Variants in ARVCF observed in about 807,000 individuals in gnomAD.
ARVCF encodes ARVCF delta catenin family member, also known as splicing regulator ARVCF.
Under a neutral mutation model 90.9 loss-of-function variants are expected in ARVCF, and 66 were observed. The ratio of observed to expected loss-of-function variants is 0.73; its 90% CI spans 0.60 to 0.89. ARVCF has a LOEUF of 0.89. Ranked by LOEUF, ARVCF falls within the 40% of genes least tolerant of loss-of-function variation. The probability of loss-of-function intolerance (pLI) is 0.00; values close to 1 mark genes in which losing one functional copy is unlikely to be tolerated. For missense variants in ARVCF, 1,469 were observed against 1,382.3 expected, an observed-to-expected ratio of 1.06 and a Z score of -1.00; for synonymous variants, 653 against 603.4, an observed-to-expected ratio of 1.08 and a Z score of -1.21.
At chr22:19,968,990 A>C (rs937680650), downstream of ARVCF, 1 of 393,744 alleles carries the variant, frequency 2.5e-6, no homozygotes, top group Non-Finnish European at 4.6e-6. Context: ...TGTTTTAAAA[A>C]TATAAAATAG....
intron 1 of ARVCF, among the ~76,000 whole-genome samples, chr22:20,011,856 T>G (rs929399212): frequency 1.3e-5 from 2 of 151,848 alleles, no homozygotes; most frequent in Non-Finnish European, 2.9e-5. Flanking sequence ...GAGAACCATG[T>G]GACTTTTTTT....
chr22:20,008,259 C>T (rs1188620318), intron 2 of ARVCF, among the ~76,000 whole-genome samples: 7 of 152,178 alleles, frequency 4.6e-5, no homozygotes, highest in Non-Finnish European at 8.8e-5. Context: ...AGGCACACGG[C>T]GGCTGATGGA....
intron 6 of ARVCF, 135 bp downstream of exon 6, chr22:19,979,608 G>A: frequency 7.5e-7 from 1 of 1,325,220 alleles, no homozygotes. Context: ...CCTGGGGCAA[G>A]CGTCTCAGCA....
Position 19,972,428 on chromosome 22 carries a change from G to C in ARVCF, c.2642-17C>G. On this transcript the variant is annotated splice_polypyrimidine_tract_variant and intron_variant, in intron 16 of 19. Transcript: ENST00000263207. The stretch of plus-strand genomic sequence containing the variant: ...TCTCGCCCTCTGCAAGGCAGGAGGA[G>C]GAGACGGGCTGCATGTGGCAGCCAG... 3.1e-6 allele frequency: 5 copies of C among 1,613,300 alleles called. No homozygotes were observed. Among genetic ancestry groups the C allele is most frequent in the Non-Finnish European group, 4.2e-6 (5 of 1,179,936 alleles).
intron 6 of ARVCF, 77 bp downstream of exon 6, chr22:19,979,666 G>C (rs1943369147): frequency 6.8e-7 from 1 of 1,481,130 alleles, no homozygotes; most frequent in Admixed American, 2.2e-5. Context: ...CGCAGGCCGA[G>C]TGGCCTCGTT....
At chr22:20,013,642 C>T (rs1048417368) in intron 1 of ARVCF, among the ~76,000 whole-genome samples, 1 of 152,302 alleles carries the variant, frequency 6.6e-6, no homozygotes, top group African/African-American at 2.4e-5. Context: ...GAGGCGGCAG[C>T]CCCTCAATCA....
In ARVCF at chr22:19,982,024, G is replaced by C; in HGVS notation, c.278C>G (p.Thr93Ser). ...MPEAPDVLEE[T>S]VTVEEDPGTP... Reference sequence around the variant, plus strand: ...GCCGGGGTCCTCCTCCACCGTCACGGTCTCCTCCAGCACATCAGGTGCCTC... The same window carrying C: ...GCCGGGGTCCTCCTCCACCGTCACGCTCTCCTCCAGCACATCAGGTGCCTC... The change falls in exon 4 of 20, where the codon ACC becomes AGC. Residue 93 changes from threonine to serine, a missense_variant. Transcript: ENST00000263207. The C allele has an allele frequency of 6.2e-7, 1 of 1,612,974 alleles. No homozygotes were observed.
At position 19,979,883 on chromosome 22, in the gene ARVCF, C is replaced by T. The variant is rs1354725712; in HGVS notation, c.1256G>A (p.Arg419Gln). 1.6e-5 allele frequency: 26 copies of T among 1,605,956 alleles called. No individual in the cohort carries two copies. The highest frequency in any genetic ancestry group is 1.1e-4 in the South Asian group (10 of 90,214). ...GAGGTTGCGCAGTGCCCCACAGGCC[C>T]GGCGCCGCACCTCAGCCCGCGGGTG... ...LDHPRAEVRR[R>Q]ACGALRNLSY... Residue 419 changes from arginine to glutamine, a missense_variant, in exon 6 of 20, where the codon CGG becomes CAG. Coordinates refer to ENST00000263207, the MANE Select transcript of ARVCF (RefSeq NM_001670.3).
At position 19,979,086 on chromosome 22, in the gene ARVCF, G is replaced by C. The variant is rs1309048960; in HGVS notation, c.1397-6C>G. The C allele has an allele frequency of 6.2e-7, 1 of 1,610,236 alleles. No individual in the cohort carries two copies. The highest frequency in any genetic ancestry group is 1.7e-5 in the Admixed American group (1 of 59,894). On this transcript the variant is annotated splice_region_variant and splice_polypyrimidine_tract_variant and intron_variant, in intron 6 of 19. Transcript: ENST00000263207. Reference sequence around the variant, plus strand: ...TGACAGGTTCCACAGGGTGCCTGTGGGGTGCGATTGGCCAATCTGTGCTGA... The same window carrying C: ...TGACAGGTTCCACAGGGTGCCTGTGCGGTGCGATTGGCCAATCTGTGCTGA...
chr22:19,972,041 C>T (rs1234191283), intron 17 of ARVCF, 70 bp from the exon 18 acceptor site: 5 of 1,403,352 alleles, frequency 3.6e-6, no homozygotes, highest in Non-Finnish European at 4.9e-6. Flanking sequence ...ATCTCCCTCT[C>T]AGCCCAGACA....
chr22:20,016,753 C>T lies in ARVCF; in HGVS notation c.-237G>A, dbSNP rs1189083694. 6.6e-6 allele frequency: 1 copy of T among 151,384 alleles called. No individual in the cohort carries two copies. Among genetic ancestry groups the T allele is most frequent in the African/African-American group, 2.4e-5 (1 of 41,342 alleles). The allele number at this position is 151,384 out of a possible 1,614,324, so 9.4% of individuals were successfully genotyped here. A position where few individuals can be genotyped will look rare whatever the true frequency, so the allele number is the denominator to read the frequency against. On this transcript the variant is annotated 5_prime_UTR_variant, in exon 1 of 20. Coordinates refer to ENST00000263207, the MANE Select transcript of ARVCF (RefSeq NM_001670.3). ...AACTCGGACCGGTGCGGGGGCCGCC[C>T]CCTCCCTCCAGGCCCAGCGCGCAAC...
chr22:19,973,584 G>A, intron 13 of ARVCF, 59 bp downstream of exon 13: 1 of 1,555,980 alleles, frequency 6.4e-7, no homozygotes, highest in Non-Finnish European at 8.7e-7. Flanking sequence ...CCTCCGATGG[G>A]ACCCCAAAGC....
intron 3 of ARVCF, among the ~76,000 whole-genome samples, chr22:19,984,401 TCAGCCCCGGCCTAG>T (rs1234993365): frequency 9.9e-5 from 15 of 152,180 alleles, no homozygotes; most frequent in Admixed American, 2.0e-4. Flanking sequence ...GCACCACCCA[TCAGCCCCGGCCTAG>T]CAGCCCCGCA....
intron 9 of ARVCF, 23 bp from the exon 10 acceptor site, chr22:19,976,746 GGA>G (rs761828161): frequency 5.5e-5 from 86 of 1,557,964 alleles, no homozygotes; most frequent in Non-Finnish European, 7.0e-5. Context: ...AGGAAGCAGA[GGA>G]GAGAGGAGAG....
chr22:19,972,890 A>G, intron 15 of ARVCF, 35 bp downstream of exon 15: 1 of 1,613,816 alleles, frequency 6.2e-7, no homozygotes, highest in Non-Finnish European at 8.5e-7. Flanking sequence ...AGGCAAAGTG[A>G]GCAGGGAATG....
At chr22:19,990,089 A>C (rs990100299) in intron 3 of ARVCF, among the ~76,000 whole-genome samples, 1 of 152,200 alleles carries the variant, frequency 6.6e-6, no homozygotes, top group Admixed American at 6.5e-5. Flanking sequence ...CATGGAACAC[A>C]GAAGGCTCTA....
At chr22:19,966,167 G>C (rs959589581), downstream of ARVCF, among the ~76,000 whole-genome samples, 3 of 152,218 alleles carry the variant, frequency 2.0e-5, no homozygotes, top group African/African-American at 7.2e-5. Context: ...GTCATGAATT[G>C]GGAATGGGTG....
chr22:19,976,705 C>T lies in ARVCF; in HGVS notation c.1888+1G>A. On this transcript the variant is annotated splice_donor_variant, in intron 10 of 19. Coordinates refer to ENST00000263207, the MANE Select transcript of ARVCF (RefSeq NM_001670.3). LOFTEE classifies it high-confidence loss of function. Reference sequence around the variant, plus strand: ...GGAGAGCAGGATAAAAAGGGACTCACCTTGGTGGAACCACTCCTCTGGGAG... The same window carrying T: ...GGAGAGCAGGATAAAAAGGGACTCATCTTGGTGGAACCACTCCTCTGGGAG... The T allele has an allele frequency of 6.4e-7, 1 of 1,560,000 alleles. No individual in the cohort carries two copies. Among genetic ancestry groups the T allele is most frequent in the East Asian group, 2.4e-5 (1 of 42,476 alleles).
intron 1 of ARVCF, among the ~76,000 whole-genome samples, chr22:20,012,788 G>C (rs1352456417): frequency 6.6e-6 from 1 of 152,278 alleles, no homozygotes; most frequent in African/African-American, 2.4e-5. Flanking sequence ...TCCAACCAGA[G>C]GGCTGAGAGG....
Sources: gnomAD v4.1 joint callset for allele counts (sites outside exome capture counted in the v4.1 genomes callset) on GRCh38, gnomAD v4.1.1 for gene constraint, MANE v1.5 for transcripts, NCBI Gene and HGNC (gene_info 2026-07-23, HGNC 2026-07-21) for gene names.